Variants in ZNF892 observed in about 807,000 individuals in gnomAD.
ZNF892 encodes zinc finger protein 892.
chr2:95,247,745 C>T, the ZNF892 span, among the ~76,000 whole-genome samples: 1 of 152,034 alleles, frequency 6.6e-6, no homozygotes, highest in Admixed American at 6.6e-5. Flanking sequence ...AAAAAATGCC[C>T]AACATCAGTA....
the ZNF892 span, among the ~76,000 whole-genome samples, chr2:95,247,122 AG>A: frequency 1.3e-5 from 2 of 152,262 alleles, no homozygotes; most frequent in African/African-American, 4.8e-5. Context: ...ACTAGGCTGC[AG>A]TAACCAAAAC....
chr2:95,207,945 C>T, the ZNF892 span: 3 of 397,746 alleles, frequency 7.5e-6, no homozygotes, highest in African/African-American at 6.2e-5. Flanking sequence ...CGAGCCCCTT[C>T]CTACTAGCCG....
the ZNF892 span, among the ~76,000 whole-genome samples, chr2:95,248,235 C>T: frequency 6.6e-6 from 1 of 152,158 alleles, no homozygotes; most frequent in Non-Finnish European, 1.5e-5. Context: ...AACACAGGAA[C>T]AGAAAACCAA....
the ZNF892 span, among the ~76,000 whole-genome samples, chr2:95,224,319 C>T: frequency 6.6e-6 from 1 of 152,174 alleles, no homozygotes; most frequent in African/African-American, 2.4e-5. Flanking sequence ...AGTCATCATA[C>T]AGTATATGAT....
chr2:95,261,957 T>C, the ZNF892 span, among the ~76,000 whole-genome samples: 8 of 152,286 alleles, frequency 5.3e-5, no homozygotes, highest in South Asian at 2.1e-4. Flanking sequence ...TGCCAGTCAG[T>C]GCACGCTCTA....
At chr2:95,239,272 A>C in the ZNF892 span, among the ~76,000 whole-genome samples, 1 of 152,184 alleles carries the variant, frequency 6.6e-6, no homozygotes, top group African/African-American at 2.4e-5. Flanking sequence ...CTTGAGATGG[A>C]ATCTACTACT....
At chr2:95,207,968 G>C in the ZNF892 span, 1 of 397,058 alleles carries the variant, frequency 2.5e-6, no homozygotes, top group Non-Finnish European at 4.4e-6. Flanking sequence ...CTCACTTGGG[G>C]TTTTGAGGGA....
At chr2:95,227,320 TTTTTA>T in the ZNF892 span, among the ~76,000 whole-genome samples, 1 of 152,042 alleles carries the variant, frequency 6.6e-6, no homozygotes, top group South Asian at 2.1e-4. Flanking sequence ...CATGTGTATT[TTTTTA>T]TTTTATTTTA....
chr2:95,218,786 C>T, the ZNF892 span, among the ~76,000 whole-genome samples: 1 of 152,158 alleles, frequency 6.6e-6, no homozygotes, highest in Non-Finnish European at 1.5e-5. Context: ...GATGGTTGCC[C>T]TCTCACTGTG....
chr2:95,228,569 AAATAATCTATG>A, the ZNF892 span, among the ~76,000 whole-genome samples: 1 of 152,220 alleles, frequency 6.6e-6, no homozygotes, highest in African/African-American at 2.4e-5. Context: ...GTACTTAATA[AAATAATCTATG>A]AATATCTTGG....
the ZNF892 span, chr2:95,214,712 C>T: frequency 1.7e-5 from 7 of 418,044 alleles, no homozygotes; most frequent in Non-Finnish European, 3.0e-5. Flanking sequence ...GCAATGAATG[C>T]GAGAAAGCCT....
At chr2:95,212,002 T>G in the ZNF892 span, among the ~76,000 whole-genome samples, 1 of 152,188 alleles carries the variant, frequency 6.6e-6, no homozygotes. Context: ...GAATGGATGC[T>G]TATTCTTTAA....
the ZNF892 span, among the ~76,000 whole-genome samples, chr2:95,247,449 G>A: frequency 6.6e-6 from 1 of 151,964 alleles, no homozygotes; most frequent in Non-Finnish European, 1.5e-5. Flanking sequence ...TTGGCCTCAG[G>A]AAAGAATATA....
the ZNF892 span, among the ~76,000 whole-genome samples, chr2:95,227,082 G>T: frequency 1.1e-4 from 17 of 151,818 alleles, 1 homozygote; most frequent in South Asian, 2.1e-4. Context: ...GGAGGGACCT[G>T]AGGCTCCTCT....
chr2:95,230,961 TA>T, the ZNF892 span, among the ~76,000 whole-genome samples: 4 of 152,128 alleles, frequency 2.6e-5, no homozygotes, highest in East Asian at 1.9e-4. Flanking sequence ...CCTTCCAACC[TA>T]AAAAAATATA....
the ZNF892 span, chr2:95,212,341 G>A: frequency 3.0e-5 from 12 of 398,248 alleles, no homozygotes; most frequent in African/African-American, 2.3e-4. Context: ...GCTTGTGGAG[G>A]AGGAGCCTGT....
At chr2:95,248,903 T>C in the ZNF892 span, among the ~76,000 whole-genome samples, 1 of 152,080 alleles carries the variant, frequency 6.6e-6, no homozygotes, top group Admixed American at 6.6e-5. Context: ...CTTCATTCTT[T>C]TTAAAATCAA....
chr2:95,249,223 ATATATATATTTTTTTTTT>A, the ZNF892 span, among the ~76,000 whole-genome samples: 9 of 63,558 alleles, frequency 1.4e-4, no homozygotes, highest in African/African-American at 4.2e-4. Context: ...ATATATATAT[ATATATATATTTTTTTTTT>A]TTTTTTTTTT....
the ZNF892 span, chr2:95,214,830 C>G: frequency 2.0e-6 from 1 of 489,992 alleles, no homozygotes; most frequent in African/African-American, 2.0e-5. Context: ...ACACCTTACT[C>G]TGCACCAGAG....
Sources: gnomAD v4.1 joint callset for allele counts (sites outside exome capture counted in the v4.1 genomes callset) on GRCh38, gnomAD v4.1.1 for gene constraint, MANE v1.5 for transcripts, NCBI Gene and HGNC (gene_info 2026-07-23, HGNC 2026-07-21) for gene names.